The following TYW1B variants were observed in gnomAD, a reference collection of about 807,000 sequenced individuals.
TYW1B encodes the protein tRNA-yW synthesizing protein 1 homolog B, also known as S-adenosyl-L-methionine-dependent tRNA 4-demethylwyosine synthase TYW1B.
A neutral mutation model predicts 86.9 loss-of-function variants in TYW1B; 73 were observed. That is an observed-to-expected ratio of 0.84 (90% CI 0.70 to 1.02). TYW1B has a LOEUF of 1.02. Ranked by LOEUF, TYW1B falls within the 50% of genes least tolerant of loss-of-function variation. The probability of loss-of-function intolerance (pLI) is 0.00; values close to 1 mark genes in which losing one functional copy is unlikely to be tolerated. For missense variants in TYW1B, 637 were observed against 827.4 expected, an observed-to-expected ratio of 0.77 and a Z score of 2.82; for synonymous variants, 248 against 292.8, an observed-to-expected ratio of 0.85 and a Z score of 1.56.
At chr7:72,659,877 T>G (rs1229156618) in intron 11 of TYW1B, among the ~76,000 whole-genome samples, 1 of 152,216 alleles carries the variant, frequency 6.6e-6, no homozygotes, top group Admixed American at 6.5e-5. Context: ...GTTATAGATA[T>G]GGCAATTCAT....
chr7:72,669,188 A>G (rs1354563441), intron 11 of TYW1B, among the ~76,000 whole-genome samples: 1 of 105,770 alleles, frequency 9.5e-6, no homozygotes, highest in Non-Finnish European at 1.8e-5. Flanking sequence ...CTGTTGTTCC[A>G]GGCTGGAATG....
intron 13 of TYW1B, among the ~76,000 whole-genome samples, chr7:72,577,436 T>C (rs567957815): frequency 6.6e-6 from 1 of 152,300 alleles, no homozygotes; most frequent in East Asian, 1.9e-4. Flanking sequence ...AAAATTTATA[T>C]CTCACCATCA....
At chr7:72,587,382 T>C (rs1327948645) in intron 13 of TYW1B, among the ~76,000 whole-genome samples, 3 of 152,168 alleles carry the variant, frequency 2.0e-5, no homozygotes, top group Non-Finnish European at 4.4e-5. Flanking sequence ...ACCGGAGTTT[T>C]ATGATTACTC....
At chr7:72,621,262 A>G (rs1373812335) in intron 12 of TYW1B, among the ~76,000 whole-genome samples, 3 of 152,220 alleles carry the variant, frequency 2.0e-5, no homozygotes, top group Admixed American at 6.5e-5. Flanking sequence ...GAGCCTGCAG[A>G]GCCATGAGCC....
At position 72,782,691 on chromosome 7, in the gene TYW1B, A is replaced by G. The variant is rs185588133; in HGVS notation, c.847-5158T>C. On this transcript the variant is annotated intron_variant, in intron 6 of 13. Transcript: ENST00000620995. ...CAGGAGTTTGAGACCAGTCTGGCCA[A>G]CATGGCAAAACCCCATTTCTACTAA... 1.1e-3 allele frequency among the ~76,000 whole-genome samples: 167 copies of G among 152,194 alleles called. 3 individuals are homozygous for G. In the East Asian group the frequency reaches 0.028, roughly 26 times the overall value.
At chr7:72,750,719 C>A (rs1787485160) in intron 7 of TYW1B, among the ~76,000 whole-genome samples, 1 of 152,102 alleles carries the variant, frequency 6.6e-6, no homozygotes, top group African/African-American at 2.4e-5. Context: ...GGATCTCTTA[C>A]CACAAATTAA....
chr7:72,784,082 G>C (rs117912653), intron 6 of TYW1B, among the ~76,000 whole-genome samples: 4,803 of 151,552 alleles, frequency 0.032, 181 homozygotes, highest in Non-Finnish European at 0.037. Flanking sequence ...GCTGATGTTA[G>C]TCTTTGTCTG....
chr7:72,802,567 G>C, intron 5 of TYW1B, 45 bp from the exon 6 acceptor site: 1 of 1,605,528 alleles, frequency 6.2e-7, no homozygotes, highest in Non-Finnish European at 8.5e-7. Context: ...AAGGGGCAAA[G>C]GCAAAGTTCT....
chr7:72,746,737 C>A (rs1411567331), intron 7 of TYW1B, among the ~76,000 whole-genome samples: 1 of 152,134 alleles, frequency 6.6e-6, no homozygotes. Context: ...AACTAGAGCC[C>A]ATAAGATGGA....
chr7:72,624,779 C>A (rs1162530211), intron 12 of TYW1B, among the ~76,000 whole-genome samples: 1 of 152,080 alleles, frequency 6.6e-6, no homozygotes, highest in African/African-American at 2.4e-5. Context: ...TATTTTAAGC[C>A]AGGCGTGGTG....
At chr7:72,799,151 C>CTT (rs1309407026) in intron 6 of TYW1B, among the ~76,000 whole-genome samples, 86 of 58,580 alleles carry the variant, frequency 1.5e-3, no homozygotes, top group African/African-American at 2.9e-3. Flanking sequence ...CCGGGTCTGC[C>CTT]TTTTTTTTTT....
chr7:72,593,379 C>G (rs1471282240), intron 13 of TYW1B, among the ~76,000 whole-genome samples: 3 of 151,988 alleles, frequency 2.0e-5, no homozygotes, highest in Non-Finnish European at 4.4e-5. Flanking sequence ...GAACACTGTA[C>G]CTAACAACAA....
chr7:72,786,101 T>C (rs1788125519), intron 6 of TYW1B, among the ~76,000 whole-genome samples: 2 of 79,448 alleles, frequency 2.5e-5, no homozygotes, highest in South Asian at 8.9e-4. Context: ...ACAGCAAGAC[T>C]GTCTAAAAAA....
intron 13 of TYW1B, among the ~76,000 whole-genome samples, chr7:72,598,494 A>C (rs372911753): frequency 6.6e-6 from 1 of 152,100 alleles, no homozygotes; most frequent in Non-Finnish European, 1.5e-5. Flanking sequence ...AAAGGGAGAG[A>C]TGACAGGAAG....
chr7:72,767,483 G>A (rs192117046), intron 7 of TYW1B, among the ~76,000 whole-genome samples: 132 of 151,732 alleles, frequency 8.7e-4, no homozygotes, highest in African/African-American at 2.8e-3. Context: ...GGTGGCGGGC[G>A]CCTGTAGTCC....
intron 7 of TYW1B, among the ~76,000 whole-genome samples, chr7:72,756,046 G>C (rs1227135002): frequency 6.6e-6 from 1 of 152,166 alleles, no homozygotes; most frequent in African/African-American, 2.4e-5. Context: ...GCTCACACTA[G>C]AAGGAGCATG....
chr7:72,629,445 G>T (rs782673194), intron 11 of TYW1B, among the ~76,000 whole-genome samples: 10 of 152,284 alleles, frequency 6.6e-5, no homozygotes, highest in Non-Finnish European at 4.4e-5. Context: ...ATTATTTAAT[G>T]ATCTCTTGGC....
chr7:72,807,266 T>C lies in TYW1B; in HGVS notation c.523A>G (p.Lys175Glu). 6.2e-7 allele frequency: 1 copy of C among 1,614,216 alleles called. No individual in the cohort carries two copies. Among genetic ancestry groups the C allele is most frequent in the Admixed American group, 1.7e-5 (1 of 60,002 alleles). Residue 175 changes from lysine (K) to glutamate (E), a missense_variant, in exon 5 of 14, where the codon AAG becomes GAG. Lys to Glu is a moderately conservative substitution (Grantham distance 56, BLOSUM62 1). Transcript: ENST00000620995. ...AAGTTGGCCTCAATGCTGCCGTGCT[T>C]GCTTTTAACCACGTCGCAGTCGCCC... The part of the protein sequence containing the change: ...GEGDCDVVKS[K>E]HGSIEANFRA...
chr7:72,810,742 A>G lies in TYW1B; in HGVS notation c.238-77T>C, dbSNP rs1477668093. ...CAACGAAGAAAATCCTTTGAAAAAA[A>G]GCATACTCATCTCAAAGAACAAAGG... On this transcript the variant is annotated intron_variant, in intron 3 of 13. Coordinates refer to ENST00000620995, the MANE Select transcript of TYW1B (RefSeq NM_001145440.3). 10 of 1,506,736 alleles carry G rather than the reference A, an allele frequency of 6.6e-6. No homozygotes were observed. In the East Asian group the frequency reaches 2.3e-4, roughly 35 times the overall value. 93.3% of individuals were successfully genotyped at this position (1,506,736 alleles called of 1,614,324 possible).
Sources: allele counts gnomAD v4.1 joint callset (sites outside exome capture counted in the v4.1 genomes callset), GRCh38; gene constraint gnomAD v4.1.1; transcripts MANE v1.5; gene names NCBI Gene and HGNC (gene_info 2026-07-23, HGNC 2026-07-21).